RYR3: variants seen among roughly 807,000 people sequenced by gnomAD.
RYR3 encodes the protein brain ryanodine receptor-calcium release channel.
RYR3 carries 207 observed loss-of-function variants against 584.3 expected under a neutral mutation model. That is an observed-to-expected ratio of 0.35 (90% confidence interval 0.32 to 0.40). The LOEUF (loss-of-function observed/expected upper bound fraction) is 0.40, where lower values mean the gene tolerates loss of function less well. Among genes scored for constraint, RYR3 ranks in the 10% least tolerant of loss-of-function variants. The pLI, the probability that RYR3 is intolerant of heterozygous loss-of-function variation, is 1.00. For synonymous variants in RYR3, 2,416 were observed against 2,248.5 expected, an observed-to-expected ratio of 1.07 and a Z score of -2.11; for missense variants, 5,616 against 6,089.2, an observed-to-expected ratio of 0.92 and a Z score of 2.59.
Position 33,566,325 on chromosome 15 carries a change from A to T in RYR3, c.1147-353A>T, listed in dbSNP as rs557133780. Among the ~76,000 whole-genome samples, 5 of 152,308 alleles carry T rather than the reference A, an allele frequency of 3.3e-5. No homozygotes were observed. In the East Asian group the frequency reaches 9.7e-4, roughly 29 times the overall value. Reference sequence around the variant, plus strand: ...GGAGGAAAAGGCTTTGAACACAGTGACTTTTCCCATTTCCAAGGGTAAGAT... The same window carrying T: ...GGAGGAAAAGGCTTTGAACACAGTGTCTTTTCCCATTTCCAAGGGTAAGAT... On this transcript the variant is annotated intron_variant, in intron 11 of 103. Transcript: ENST00000634891.
chr15:33,585,336 T>A (rs981308106), intron 15 of RYR3, among the ~76,000 whole-genome samples: 1 of 152,190 alleles, frequency 6.6e-6, no homozygotes, highest in East Asian at 1.9e-4. Context: ...TAAAACTAAT[T>A]AAGCTATTAG....
rs565613986 is a variant in RYR3 at position 33,449,423 on chromosome 15, A to G, written c.52-23996A>G. On this transcript the variant is annotated intron_variant, in intron 1 of 103. Coordinates refer to ENST00000634891, the MANE Select transcript of RYR3 (RefSeq NM_001036.6). ...CTTGTAACATAATCTTGGCAATGAC[A>G]TCGTGAATCAAGCCACTAGGTCCAG... 3.3e-5 allele frequency among the ~76,000 whole-genome samples: 5 copies of G among 152,298 alleles called. 1 individual carries two copies. In the South Asian group the frequency reaches 1.0e-3, roughly 32 times the overall value.
At chr15:33,417,323 T>G (rs2043888064) in intron 1 of RYR3, among the ~76,000 whole-genome samples, 1 of 152,228 alleles carries the variant, frequency 6.6e-6, no homozygotes, top group African/African-American at 2.4e-5. Context: ...TTCATGAGCA[T>G]GGAATGTCTC....
rs200346049 is a variant in RYR3 at position 33,772,042 on chromosome 15, G to T, written c.8939G>T (p.Arg2980Leu). The T allele has an allele frequency of 5.9e-5, 95 of 1,613,368 alleles. No individual in the cohort carries two copies. The Middle Eastern group carries it at 1.6e-3, about 28-fold the overall frequency. The change falls in exon 63 of 104, where the codon CGA becomes CTA. Residue 2980 changes from arginine to leucine, a missense_variant. Transcript: ENST00000634891. ...NLKLGKFTHS[R>L]TQIKGVSQNI... ...AAACTTGGGAAGTTCACCCATTCCC[G>T]AACGCAGATTAAAGGCGTTTCTCAG...
intron 38 of RYR3, among the ~76,000 whole-genome samples, chr15:33,677,361 G>A (rs975755340): frequency 3.9e-5 from 6 of 152,256 alleles, no homozygotes; most frequent in East Asian, 1.9e-4. Flanking sequence ...ACAGAGGCCC[G>A]AGGTCCCTGA....
At chr15:33,734,647 T>C (rs2069255743) in intron 48 of RYR3, among the ~76,000 whole-genome samples, 1 of 152,018 alleles carries the variant, frequency 6.6e-6, no homozygotes, top group South Asian at 2.1e-4. Flanking sequence ...GCTGCAAATA[T>C]TTCTAAAGAA....
intron 60 of RYR3, among the ~76,000 whole-genome samples, chr15:33,766,233 A>G (rs1223288685): frequency 1.3e-5 from 2 of 151,396 alleles, no homozygotes; most frequent in Non-Finnish European, 2.9e-5. Flanking sequence ...CAGTGAGCCG[A>G]GATGGCACCA....
At chr15:33,581,245 T>A (rs1348025691) in intron 13 of RYR3, among the ~76,000 whole-genome samples, 5 of 152,164 alleles carry the variant, frequency 3.3e-5, no homozygotes. Context: ...GTCCTTGGAT[T>A]GAGTTAAGCA....
intron 2 of RYR3, among the ~76,000 whole-genome samples, chr15:33,493,912 G>A (rs568127248): frequency 6.6e-6 from 1 of 152,068 alleles, no homozygotes; most frequent in East Asian, 1.9e-4. Flanking sequence ...GAGAGACCTT[G>A]TCTCAAAATA....
intron 57 of RYR3, among the ~76,000 whole-genome samples, chr15:33,751,579 G>GTTTTTTTTT (rs200252156): frequency 6.8e-6 from 1 of 147,796 alleles, no homozygotes; most frequent in Non-Finnish European, 1.5e-5. Flanking sequence ...TTTTGATGAG[G>GTTTTTTTTT]TTTTTTTTTT....
Position 33,826,415 on chromosome 15 carries a change from T to C in RYR3, c.11164+146T>C, listed in dbSNP as rs557881531. 5 of 868,624 alleles carry C rather than the reference T, an allele frequency of 5.8e-6. No individual in the cohort carries two copies. In the African/African-American group the frequency reaches 8.3e-5, roughly 14 times the overall value. The allele number at this position is 868,624 out of a possible 1,614,324, so 53.8% of individuals were successfully genotyped here. A position where few individuals can be genotyped will look rare whatever the true frequency, so the allele number is the denominator to read the frequency against. On this transcript the variant is annotated intron_variant, in intron 83 of 103. Transcript: ENST00000634891. ...TTTGGTACTTAATTAAAGAAGTGTC[T>C]TCCATCTGTAAAGCATGGGTTATGG...
chr15:33,756,746 C>T (rs1166282119), intron 59 of RYR3, among the ~76,000 whole-genome samples: 2 of 152,138 alleles, frequency 1.3e-5, no homozygotes, highest in Non-Finnish European at 1.5e-5. Context: ...AACTTGTCAT[C>T]TTTCACCTTA....
chr15:33,514,970 C>CT (rs2053381362), intron 3 of RYR3, among the ~76,000 whole-genome samples: 1 of 151,920 alleles, frequency 6.6e-6, no homozygotes, highest in Non-Finnish European at 1.5e-5. Context: ...CGCCACTGCA[C>CT]TCCAGCCTGG....
At chr15:33,608,982 C>G (rs1050281030) in intron 18 of RYR3, among the ~76,000 whole-genome samples, 1 of 152,180 alleles carries the variant, frequency 6.6e-6, no homozygotes, top group South Asian at 2.1e-4. Flanking sequence ...GGTATGAAAG[C>G]CCTGCTGCAG....
At chr15:33,506,793 T>C (rs1008129600) in intron 3 of RYR3, among the ~76,000 whole-genome samples, 5 of 152,204 alleles carry the variant, frequency 3.3e-5, no homozygotes, top group Middle Eastern at 3.2e-3. Context: ...AGTCTGATTA[T>C]TTTGCTTTTC....
At chr15:33,602,731 G>GTTTTTTTTTTTTTTTTTTTT (rs1567639568) in intron 17 of RYR3, among the ~76,000 whole-genome samples, 2 of 88,022 alleles carry the variant, frequency 2.3e-5, no homozygotes. Context: ...GCTTTTTCTA[G>GTTTTTTTTTTTTTTTTTTTT]TCTTTTTTTT....
intron 1 of RYR3, among the ~76,000 whole-genome samples, chr15:33,461,899 G>A (rs972473221): frequency 2.0e-5 from 3 of 152,146 alleles, no homozygotes; most frequent in African/African-American, 7.2e-5. Flanking sequence ...CCTCCATGAA[G>A]GTGGATGCCA....
At chr15:33,369,562 T>C (rs903921654) in intron 1 of RYR3, among the ~76,000 whole-genome samples, 2 of 152,156 alleles carry the variant, frequency 1.3e-5, no homozygotes, top group Non-Finnish European at 2.9e-5. Context: ...TGTCAGTTTG[T>C]AATTCCTTCA....
At chr15:33,510,779 A>C (rs796516104) in intron 3 of RYR3, among the ~76,000 whole-genome samples, 8 of 152,216 alleles carry the variant, frequency 5.3e-5, no homozygotes, top group African/African-American at 1.9e-4. Flanking sequence ...CCACAGACCA[A>C]ATTGTCATTA....
Sources: allele counts gnomAD v4.1 joint callset (sites outside exome capture counted in the v4.1 genomes callset), GRCh38; gene constraint gnomAD v4.1.1; transcripts MANE v1.5; gene names NCBI Gene and HGNC (gene_info 2026-07-23, HGNC 2026-07-21).